TRRAP: variants seen among roughly 807,000 people sequenced by gnomAD.
TRRAP encodes transformation/transcription domain associated protein.
A neutral mutation model predicts 438.8 loss-of-function variants in TRRAP; 41 were observed. The observed-to-expected ratio is 0.09, with a 90% CI of 0.07 to 0.12. The LOEUF is 0.12. Ranked by LOEUF, TRRAP falls within the 10% of genes least tolerant of loss-of-function variation. TRRAP has a pLI of 1.00. For synonymous variants in TRRAP, 1,994 were observed against 1,962.9 expected (o/e 1.02, Z -0.42); for missense variants, 3,122 against 5,055.1 (o/e 0.62, Z 11.60).
intron 62 of TRRAP, among the ~76,000 whole-genome samples, chr7:98,986,224 T>C (rs972903799): frequency 2.0e-5 from 3 of 152,244 alleles, no homozygotes; most frequent in Non-Finnish European, 4.4e-5. Context: ...ACTTTTTAGC[T>C]ACATGAGTAA....
Position 99,005,282 on chromosome 7 carries a change from C to G in TRRAP, c.10687C>G (p.Leu3563Val). Residue 3563 changes from leucine (L) to valine (V), a missense_variant, in exon 69 of 73, where the codon CTG becomes GTG. Leu to Val is a conservative substitution (Grantham distance 32). Transcript: ENST00000456197. This position sits in a 1 kb window ranked among gnomAD's most constrained non-coding sequence, Gnocchi z 5.1. ...GCGAGAGGAGCGTGTGTTGCAGCTG[C>G]TGCGTCTGCTGAACCCCTGTTTGGA... Reference protein sequence around the residue: ...SRREERVLQLLRLLNPCLEKR... With the variant: ...SRREERVLQLVRLLNPCLEKR... The G allele has an allele frequency of 6.2e-7, 1 of 1,614,166 alleles. No individual in the cohort carries two copies. Among genetic ancestry groups the G allele is most frequent in the Non-Finnish European group, 8.5e-7 (1 of 1,180,042 alleles).
intron 27 of TRRAP, 125 bp downstream of exon 27, chr7:98,933,527 C>G: frequency 7.6e-7 from 1 of 1,322,630 alleles, no homozygotes. Flanking sequence ...GCAGGTAACC[C>G]ACTGACACCT....
chr7:98,896,663 C>T (rs1484628707), intron 7 of TRRAP, among the ~76,000 whole-genome samples: 6 of 152,014 alleles, frequency 3.9e-5, no homozygotes, highest in Admixed American at 2.0e-4. Flanking sequence ...GGATTACAGG[C>T]GTGAGCCACT....
Position 99,012,032 on chromosome 7 carries a change from T to G in TRRAP, c.11338-39T>G. 1 of 1,599,614 alleles carries G rather than the reference T, an allele frequency of 6.3e-7. No individual in the cohort carries two copies. The highest frequency in any genetic ancestry group is 1.3e-5 in the African/African-American group (1 of 74,842). On this transcript the variant is annotated intron_variant, in intron 72 of 72. Transcript: ENST00000456197. The surrounding 1 kb of genome is among the most constrained non-coding windows in gnomAD (Gnocchi z 5.9). ...GGAAGCTGCCCCTGTGGGCTGTTCT[T>G]GGTTAAACACAAGTCGTCTCGTTCT...
At chr7:98,944,648 C>A (rs1554416397) in intron 31 of TRRAP, among the ~76,000 whole-genome samples, 1 of 152,182 alleles carries the variant, frequency 6.6e-6, no homozygotes, top group East Asian at 1.9e-4. Context: ...AAGCCTGGGG[C>A]CAGGCCACTG....
At chr7:98,927,972 C>T (rs1790129056) in intron 23 of TRRAP, among the ~76,000 whole-genome samples, 1 of 152,190 alleles carries the variant, frequency 6.6e-6, no homozygotes, top group Non-Finnish European at 1.5e-5. Flanking sequence ...GGCACGGTGG[C>T]TCACGCCTAT....
chr7:99,001,133 CA>C (rs923619161), intron 67 of TRRAP, among the ~76,000 whole-genome samples: 1 of 152,216 alleles, frequency 6.6e-6, no homozygotes, highest in African/African-American at 2.4e-5. Context: ...TAGCTGTGAC[CA>C]GGGTTGCATC....
rs1796877770 is a variant in TRRAP at position 98,908,181 on chromosome 7, G to A, written c.1116-547G>A. ...CATCCCCGCTAGCACTTACTAACTT[G>A]TGTAGCTTATTTCTTTACTTGTGTG... On this transcript the variant is annotated intron_variant, in intron 13 of 72. Coordinates refer to ENST00000456197, the MANE Select transcript of TRRAP (RefSeq NM_001375524.1). This position sits in a 1 kb window ranked among gnomAD's most constrained non-coding sequence, Gnocchi z 4.1. Among the ~76,000 whole-genome samples the A allele has an allele frequency of 6.6e-6, 1 of 152,190 alleles. No homozygotes were observed. The highest frequency in any genetic ancestry group is 6.5e-5 in the Admixed American group (1 of 15,280).
intron 39 of TRRAP, among the ~76,000 whole-genome samples, chr7:98,951,443 C>A (rs1791334474): frequency 6.6e-6 from 1 of 152,136 alleles, no homozygotes; most frequent in African/African-American, 2.4e-5. Flanking sequence ...GTGAATGAAA[C>A]CCTGTGGTGG....
Position 98,955,124 on chromosome 7 carries a change from C to T in TRRAP, c.5757C>T (p.His1919=), listed in dbSNP as rs537405204. 4.5e-5 allele frequency: 73 copies of T among 1,614,168 alleles called. No homozygotes were observed. Among genetic ancestry groups the T allele is most frequent in the Admixed American group, 1.2e-4 (7 of 60,022 alleles). Residue 1919 remains histidine (H), a synonymous_variant, in exon 41 of 73, where the codon CAC becomes CAT. Transcript: ENST00000456197. ...LQVFHSLLKA[H]AMEARAIVRQ... Reference sequence around the variant, plus strand: ...TTTTTCATAGTCTCCTCAAGGCTCACGCAATGGAAGCTCGAGCGATCGTCA... The same window carrying T: ...TTTTTCATAGTCTCCTCAAGGCTCATGCAATGGAAGCTCGAGCGATCGTCA...
chr7:98,900,555 A>T, intron 10 of TRRAP, 69 bp from the exon 11 acceptor site: 1 of 1,342,618 alleles, frequency 7.4e-7, no homozygotes, highest in Non-Finnish European at 1.0e-6. Context: ...AGTAATGGTT[A>T]CAGGCTTTTA....
chr7:98,912,485 AT>A, intron 18 of TRRAP, among the ~76,000 whole-genome samples: 2 of 152,184 alleles, frequency 1.3e-5, no homozygotes, highest in East Asian at 3.9e-4. Flanking sequence ...TTTGCAACAA[AT>A]AAGGGCCAAG....
At position 98,993,863 on chromosome 7, in the gene TRRAP, A is replaced by G. The variant is rs947673727; in HGVS notation, c.10047+126A>G. 5.4e-6 allele frequency: 5 copies of G among 931,310 alleles called. No individual in the cohort carries two copies. The South Asian group carries it at 6.5e-5, about 12-fold the overall frequency. The allele number at this position is 931,310 out of a possible 1,614,324, so 57.7% of individuals were successfully genotyped here. A position where few individuals can be genotyped will look rare whatever the true frequency, so the allele number is the denominator to read the frequency against. ...CTTTTATATATTTGTTGTTGAACTTAACCATGGACCAGGCAAATAGCTATC... is the reference window on the plus strand; with the variant it reads ...CTTTTATATATTTGTTGTTGAACTTGACCATGGACCAGGCAAATAGCTATC... On this transcript the variant is annotated intron_variant, in intron 66 of 72. Coordinates refer to ENST00000456197, the MANE Select transcript of TRRAP (RefSeq NM_001375524.1).
intron 67 of TRRAP, among the ~76,000 whole-genome samples, chr7:99,002,441 T>C (rs984960700): frequency 6.6e-6 from 1 of 152,208 alleles, no homozygotes; most frequent in Admixed American, 6.5e-5. Flanking sequence ...ATATTTTGTT[T>C]GCATCCTGTT....
At chr7:98,992,055 A>C in intron 64 of TRRAP, 82 bp from the exon 65 acceptor site, 1 of 1,483,104 alleles carries the variant, frequency 6.7e-7, no homozygotes, top group Non-Finnish European at 9.4e-7. Flanking sequence ...CTGACTTGAC[A>C]TTGGTTATTT....
intron 45 of TRRAP, among the ~76,000 whole-genome samples, chr7:98,960,322 C>T (rs1201902471): frequency 6.6e-6 from 1 of 152,088 alleles, no homozygotes; most frequent in Non-Finnish European, 1.5e-5. Context: ...ATTTTCTTGC[C>T]TTATCCACAT....
At chr7:98,952,944 C>G (rs533819356) in intron 39 of TRRAP, among the ~76,000 whole-genome samples, 4 of 151,922 alleles carry the variant, frequency 2.6e-5, no homozygotes, top group South Asian at 2.1e-4. Context: ...AAATTGGGGT[C>G]CTGGGGTTTT....
Position 98,979,007 on chromosome 7 carries a change from G to A in TRRAP, c.8634+103G>A, listed in dbSNP as rs541901473. On this transcript the variant is annotated intron_variant, in intron 58 of 72. Transcript: ENST00000456197. ...CCTTAGAACAAGCATTTTGGCAGTG[G>A]AAAGACAGCTTTTGGGAAGGAAAGG... The A allele has an allele frequency of 2.1e-6, 3 of 1,457,708 alleles. No homozygotes were observed. The African/African-American group carries it at 4.2e-5, about 20-fold the overall frequency. The allele number at this position is 1,457,708 out of a possible 1,614,324, so 90.3% of individuals were successfully genotyped here. A position where few individuals can be genotyped will look rare whatever the true frequency, so the allele number is the denominator to read the frequency against.
Position 98,950,129 on chromosome 7 carries a change from G to A in TRRAP, c.5201G>A (p.Cys1734Tyr). Residue 1734 changes from cysteine (C) to tyrosine (Y), a missense_variant, in exon 38 of 73, where the codon TGC becomes TAC. Physicochemically the swap from Cys to Tyr is radical, Grantham distance 194 (BLOSUM62 -2). This residue lies in a region of TRRAP where 272 missense variants were observed against 348.5 expected (regional missense o/e 0.78). Coordinates refer to ENST00000456197, the MANE Select transcript of TRRAP (RefSeq NM_001375524.1). The part of the protein sequence containing the change: ...LLRAFTGRFL[C>Y]NMTFLKEYME... ...CGAGCCTTTACTGGTCGTTTTCTCT[G>A]CAACATGACATTCTTAAAAGAGTAT... 1 of 1,614,204 alleles carries A rather than the reference G, an allele frequency of 6.2e-7. No individual in the cohort carries two copies. Among genetic ancestry groups the A allele is most frequent in the Non-Finnish European group, 8.5e-7 (1 of 1,180,046 alleles).
Sources: allele counts gnomAD v4.1 joint callset (sites outside exome capture counted in the v4.1 genomes callset), GRCh38; gene constraint gnomAD v4.1.1; regional missense constraint gnomAD v4.1.1; non-coding constraint Gnocchi (gnomAD v3.1); transcripts MANE v1.5; gene names NCBI Gene and HGNC (gene_info 2026-07-23, HGNC 2026-07-21).